RAB31: variants seen among roughly 807,000 people sequenced by gnomAD.
RAB31 encodes RAB31, member RAS oncogene family, also known as ras-related protein Rab-31.
In RAB31, 21 loss-of-function variants were observed where a neutral mutation model predicts 25.6. The ratio of observed to expected loss-of-function variants is 0.82; its 90% confidence interval spans 0.58 to 1.18. RAB31 has a LOEUF of 1.18. Ranked by LOEUF, RAB31 falls within the 50% of genes most tolerant of loss-of-function variation. The pLI, the probability that RAB31 is intolerant of heterozygous loss-of-function variation, is 0.00. For missense variants in RAB31, 196 were observed against 250.1 expected, an observed-to-expected ratio of 0.78 and a Z score of 1.46; for synonymous variants, 87 against 84.0, an observed-to-expected ratio of 1.04 and a Z score of -0.20.
At chr18:9,740,573 C>T (rs760486038) in intron 1 of RAB31, among the ~76,000 whole-genome samples, 4 of 151,942 alleles carry the variant, frequency 2.6e-5, no homozygotes, top group African/African-American at 4.8e-5. Context: ...ATTAGCTGGG[C>T]GTGGTGGCGC....
At chr18:9,834,197 C>T (rs918356314) in intron 5 of RAB31, among the ~76,000 whole-genome samples, 7 of 152,078 alleles carry the variant, frequency 4.6e-5, no homozygotes, top group Non-Finnish European at 8.8e-5. Context: ...CTCCCTGCAA[C>T]CTGCGCCTCC....
intron 5 of RAB31, among the ~76,000 whole-genome samples, chr18:9,824,573 A>G (rs2068640770): frequency 6.6e-6 from 1 of 152,154 alleles, no homozygotes; most frequent in African/African-American, 2.4e-5. Flanking sequence ...CTGGATGGAA[A>G]TGGAATTCGC....
chr18:9,759,914 A>T (rs771328935), intron 1 of RAB31, among the ~76,000 whole-genome samples: 1 of 152,010 alleles, frequency 6.6e-6, no homozygotes, highest in Non-Finnish European at 1.5e-5. Context: ...TTCAGAGGGG[A>T]CAACATGGTG....
At chr18:9,781,071 A>G (rs181202531) in intron 2 of RAB31, among the ~76,000 whole-genome samples, 34 of 152,350 alleles carry the variant, frequency 2.2e-4, no homozygotes, top group Admixed American at 1.2e-3. Context: ...AATTTAGTCC[A>G]AGAATAAAAA....
chr18:9,768,547 T>A (rs774120383), intron 1 of RAB31, among the ~76,000 whole-genome samples: 1 of 151,918 alleles, frequency 6.6e-6, no homozygotes, highest in African/African-American at 2.4e-5. Context: ...TTGATGGGGT[T>A]TTTTTTTCTT....
At position 9,847,347 on chromosome 18, in the gene RAB31, G is replaced by A. The variant is rs140885533; in HGVS notation, c.490+1656G>A. On this transcript the variant is annotated intron_variant, in intron 6 of 6. Coordinates refer to ENST00000578921, the MANE Select transcript of RAB31 (RefSeq NM_006868.4). The stretch of plus-strand genomic sequence containing the variant: ...CCATCCTTACAGCCCCGCGTCTTCC[G>A]CAGAGCCCCCTCCTCCTCCTTAGCT... Among the ~76,000 whole-genome samples the A allele has an allele frequency of 5.0e-4, 76 of 152,234 alleles. 1 individual carries two copies. In the East Asian group the frequency reaches 0.014, roughly 28 times the overall value.
intron 1 of RAB31, among the ~76,000 whole-genome samples, chr18:9,712,170 T>C (rs1202568776): frequency 6.6e-6 from 1 of 152,278 alleles, no homozygotes; most frequent in Non-Finnish European, 1.5e-5. Context: ...CCACATGGGA[T>C]GGATAATGGC....
Position 9,708,526 on chromosome 18 carries a change from T to C in RAB31, c.39+82T>C. ...GCTCCCCTATTCCCTGCGCGCTCAGTCCCCGTGATCCCCTCGCTCTCCGCA... is the reference window on the plus strand; with the variant it reads ...GCTCCCCTATTCCCTGCGCGCTCAGCCCCCGTGATCCCCTCGCTCTCCGCA... On this transcript the variant is annotated intron_variant, in intron 1 of 6. Coordinates refer to ENST00000578921, the MANE Select transcript of RAB31 (RefSeq NM_006868.4). The surrounding 1 kb of genome is among the most constrained non-coding windows in gnomAD (Gnocchi z 6.4). The C allele has an allele frequency of 1.7e-6, 2 of 1,184,058 alleles. No homozygotes were observed. The highest frequency in any genetic ancestry group is 2.3e-6 in the Non-Finnish European group (2 of 871,700). The allele number at this position is 1,184,058 out of a possible 1,614,324, so 73.3% of individuals were successfully genotyped here.
chr18:9,773,178 TC>T (rs35839042), intron 1 of RAB31, among the ~76,000 whole-genome samples: 78 of 152,024 alleles, frequency 5.1e-4, no homozygotes, highest in African/African-American at 1.8e-3. Flanking sequence ...AAAAGCCAAG[TC>T]CCCTGTTGCC....
At chr18:9,784,094 TG>T (rs1291355891) in intron 2 of RAB31, among the ~76,000 whole-genome samples, 1 of 152,190 alleles carries the variant, frequency 6.6e-6, no homozygotes, top group Non-Finnish European at 1.5e-5. Context: ...TGGAGTGCAG[TG>T]GCACAATCAT....
At position 9,747,282 on chromosome 18, in the gene RAB31, G is replaced by A. The variant is rs1250819289; in HGVS notation, c.40-27996G>A. Among the ~76,000 whole-genome samples, 5 of 152,174 alleles carry A rather than the reference G, an allele frequency of 3.3e-5. No homozygotes were observed. In the East Asian group the frequency reaches 5.8e-4, roughly 18 times the overall value. On this transcript the variant is annotated intron_variant, in intron 1 of 6. Transcript: ENST00000578921. Reference sequence around the variant, plus strand: ...AGGATGTGCAGAGATTGGAACACTGGTGGGGTTGTAAAATGGTCCAGTCTC... The same window carrying A: ...AGGATGTGCAGAGATTGGAACACTGATGGGGTTGTAAAATGGTCCAGTCTC...
intron 2 of RAB31, among the ~76,000 whole-genome samples, chr18:9,775,582 T>C (rs1433869601): frequency 6.6e-6 from 1 of 151,908 alleles, no homozygotes. Flanking sequence ...TTCCTCATGC[T>C]ACCTCCTAAG....
chr18:9,724,071 A>G (rs963857244), intron 1 of RAB31, among the ~76,000 whole-genome samples: 1 of 151,842 alleles, frequency 6.6e-6, no homozygotes, highest in African/African-American at 2.4e-5. Flanking sequence ...GGAGATCGAG[A>G]CCATCCCGGC....
chr18:9,802,413 A>T (rs532146136), intron 3 of RAB31, among the ~76,000 whole-genome samples: 1 of 152,344 alleles, frequency 6.6e-6, no homozygotes, highest in Non-Finnish European at 1.5e-5. Flanking sequence ...AGTGAATCAT[A>T]CCTTTAATCC....
intron 3 of RAB31, among the ~76,000 whole-genome samples, chr18:9,800,449 C>A (rs1424152910): frequency 1.3e-5 from 2 of 152,112 alleles, no homozygotes; most frequent in African/African-American, 4.8e-5. Context: ...TATATTTATT[C>A]CTTCCTCTTG....
intron 3 of RAB31, among the ~76,000 whole-genome samples, chr18:9,794,051 C>T (rs2068474765): frequency 1.3e-5 from 2 of 152,198 alleles, no homozygotes; most frequent in African/African-American, 4.8e-5. Context: ...CACCACCACT[C>T]TGGGGTAATT....
chr18:9,821,412 C>T (rs145550044), intron 5 of RAB31, among the ~76,000 whole-genome samples: 1 of 152,122 alleles, frequency 6.6e-6, no homozygotes, highest in East Asian at 1.9e-4. Context: ...TATATTTTGT[C>T]TTTATCATAT....
chr18:9,858,854 T>A (rs2068832263), intron 6 of RAB31, among the ~76,000 whole-genome samples: 2 of 152,142 alleles, frequency 1.3e-5, no homozygotes, highest in Admixed American at 6.5e-5. Context: ...TGAAAGCCGC[T>A]CATTAAACCA....
intron 1 of RAB31, among the ~76,000 whole-genome samples, chr18:9,758,546 GC>G (rs2145482170): frequency 1.3e-5 from 2 of 152,220 alleles, no homozygotes; most frequent in African/African-American, 4.8e-5. Flanking sequence ...CCTCCATGAA[GC>G]CTTTCCTGAT....
Sources: gnomAD v4.1 joint callset for allele counts (sites outside exome capture counted in the v4.1 genomes callset) on GRCh38, gnomAD v4.1.1 for gene constraint, Gnocchi (gnomAD v3.1) non-coding constraint, MANE v1.5 for transcripts, NCBI Gene and HGNC (gene_info 2026-07-23, HGNC 2026-07-21) for gene names.